The following RAB6A variants were observed in gnomAD, a reference collection of about 807,000 sequenced individuals.
RAB6A encodes the protein RAB6A, member RAS oncogene family.
A neutral mutation model predicts 32.3 loss-of-function variants in RAB6A; 8 were observed. The observed-to-expected ratio is 0.25, with a 90% CI of 0.15 to 0.45. The LOEUF (loss-of-function observed/expected upper bound fraction) is 0.45. RAB6A is among the 20% of genes least tolerant of loss of function. The pLI is 1.00. For missense variants in RAB6A, 104 were observed against 249.4 expected, an observed-to-expected ratio of 0.42 and a Z score of 3.93; for synonymous variants, 73 against 82.1, an observed-to-expected ratio of 0.89 and a Z score of 0.60.
At chr11:73,679,743 A>C in intron 6 of RAB6A, 23 bp from the exon 7 acceptor site, 1 of 1,613,472 alleles carries the variant, frequency 6.2e-7, no homozygotes, top group African/African-American at 1.3e-5. Flanking sequence ...GAGAAAAGTG[A>C]TAACTGAGAG....
intron 2 of RAB6A, among the ~76,000 whole-genome samples, chr11:73,723,791 T>C (rs561553506): frequency 2.0e-5 from 3 of 152,084 alleles, no homozygotes; most frequent in South Asian, 2.1e-4. Context: ...TAGAGAGTAG[T>C]ATGAGAGAAA....
chr11:73,722,213 T>C lies in RAB6A; in HGVS notation c.130-1314A>G, dbSNP rs1423538569. On this transcript the variant is annotated intron_variant, in intron 2 of 7. Coordinates refer to ENST00000336083, the MANE Select transcript of RAB6A (RefSeq NM_198896.2). ...TTTAATTTCTCCCAGCAGTGTTTTG[T>C]ATAGTCTTATGCTGTTTGTTAAATT... is the stretch of plus-strand genomic sequence containing the variant. The C allele has an allele frequency of 2.0e-5, 3 of 148,960 alleles. 1 individual carries two copies. The highest frequency in any genetic ancestry group is 4.5e-5 in the Non-Finnish European group (3 of 66,696). The allele number at this position is 148,960 out of a possible 1,614,324, so 9.2% of individuals were successfully genotyped here.
intron 6 of RAB6A, among the ~76,000 whole-genome samples, chr11:73,707,140 A>T (rs1054691563): frequency 1.3e-5 from 2 of 151,136 alleles, no homozygotes; most frequent in Non-Finnish European, 3.0e-5. Flanking sequence ...AAAAAAAAAA[A>T]AAGAAAAGAA....
intron 5 of RAB6A, among the ~76,000 whole-genome samples, chr11:73,711,982 AT>A (rs1945964506): frequency 1.3e-5 from 2 of 152,036 alleles, no homozygotes; most frequent in African/African-American, 4.8e-5. Context: ...TTTCTTCTCT[AT>A]TTTTAGAGGC....
chr11:73,725,975 A>C (rs1234680061), intron 2 of RAB6A, among the ~76,000 whole-genome samples: 2 of 152,040 alleles, frequency 1.3e-5, no homozygotes, highest in Non-Finnish European at 2.9e-5. Context: ...CAACATGGCA[A>C]GAACCTGTCT....
At chr11:73,714,238 A>G (rs1011292698) in intron 5 of RAB6A, among the ~76,000 whole-genome samples, 17 of 148,716 alleles carry the variant, frequency 1.1e-4, no homozygotes, top group Admixed American at 8.1e-4. Context: ...ATACACACAT[A>G]TAATTTGACA....
intron 1 of RAB6A, among the ~76,000 whole-genome samples, chr11:73,751,515 TAAAGGTAAAG>T (rs1423276583): frequency 6.6e-6 from 1 of 151,950 alleles, no homozygotes; most frequent in African/African-American, 2.4e-5. Context: ...CATCTAGAAA[TAAAGGTAAAG>T]ATGGAGCTAA....
intron 2 of RAB6A, among the ~76,000 whole-genome samples, chr11:73,725,422 T>C (rs1946201460): frequency 6.6e-6 from 1 of 152,220 alleles, no homozygotes; most frequent in African/African-American, 2.4e-5. Context: ...TTAGTCTGTT[T>C]TGGCGCTGCC....
At chr11:73,687,634 T>C (rs1945480255) in intron 6 of RAB6A, among the ~76,000 whole-genome samples, 1 of 152,198 alleles carries the variant, frequency 6.6e-6, no homozygotes, top group South Asian at 2.1e-4. Flanking sequence ...GGTGGGCGGA[T>C]CACCTGAGGT....
intron 1 of RAB6A, among the ~76,000 whole-genome samples, chr11:73,754,183 C>T (rs1946710070): frequency 6.6e-6 from 1 of 152,184 alleles, no homozygotes; most frequent in Admixed American, 6.5e-5. Context: ...CTCTACCAGT[C>T]CTCTAGTGCT....
At chr11:73,704,148 A>C (rs1945794777) in intron 6 of RAB6A, 1 of 397,950 alleles carries the variant, frequency 2.5e-6, no homozygotes, top group Admixed American at 2.7e-5. Context: ...CTTCGAGGCC[A>C]AGTTGGGAGG....
At chr11:73,735,797 T>C (rs1223700377) in intron 1 of RAB6A, among the ~76,000 whole-genome samples, 1 of 151,898 alleles carries the variant, frequency 6.6e-6, no homozygotes, top group African/African-American at 2.4e-5. Flanking sequence ...GGACATAATC[T>C]TGAAGTTACA....
At chr11:73,687,058 A>G (rs752975599) in intron 6 of RAB6A, among the ~76,000 whole-genome samples, 6 of 152,090 alleles carry the variant, frequency 3.9e-5, no homozygotes, top group Non-Finnish European at 2.9e-5. Flanking sequence ...AAAAGGAAAG[A>G]AATTCTGACA....
At chr11:73,733,655 C>T (rs921636744) in intron 1 of RAB6A, among the ~76,000 whole-genome samples, 1 of 151,848 alleles carries the variant, frequency 6.6e-6, no homozygotes, top group South Asian at 2.1e-4. Context: ...AATATCCTAA[C>T]ATGTAAAATT....
chr11:73,727,740 T>C (rs562883544), intron 2 of RAB6A, among the ~76,000 whole-genome samples: 1 of 152,312 alleles, frequency 6.6e-6, no homozygotes, highest in Non-Finnish European at 1.5e-5. Flanking sequence ...AGGATTTAGA[T>C]TTTAAGATTA....
chr11:73,734,987 A>G (rs1278687153), intron 1 of RAB6A, among the ~76,000 whole-genome samples: 1 of 152,248 alleles, frequency 6.6e-6, no homozygotes, highest in Non-Finnish European at 1.5e-5. Context: ...TTTGAAAGTC[A>G]TGTTTAAATA....
At chr11:73,680,405 C>T (rs1301454392) in intron 6 of RAB6A, among the ~76,000 whole-genome samples, 1 of 152,204 alleles carries the variant, frequency 6.6e-6, no homozygotes, top group Admixed American at 6.5e-5. Context: ...GCCTGTAATC[C>T]CAGCACTTTG....
chr11:73,725,203 C>G (rs761462723), intron 2 of RAB6A, among the ~76,000 whole-genome samples: 3 of 152,146 alleles, frequency 2.0e-5, no homozygotes, highest in Non-Finnish European at 4.4e-5. Context: ...AAGTAAGGGT[C>G]AAAGAAGAGT....
chr11:73,720,242 G>A (rs1421815705), intron 3 of RAB6A, among the ~76,000 whole-genome samples: 7 of 149,300 alleles, frequency 4.7e-5, no homozygotes, highest in Admixed American at 2.0e-4. Context: ...GTGCAATGGC[G>A]CAATCTCAGC....
Sources: gnomAD v4.1 joint callset for allele counts (sites outside exome capture counted in the v4.1 genomes callset) on GRCh38, gnomAD v4.1.1 for gene constraint, MANE v1.5 for transcripts, NCBI Gene and HGNC (gene_info 2026-07-23, HGNC 2026-07-21) for gene names.